GPC5: variants seen among roughly 807,000 people sequenced by gnomAD.
GPC5 encodes glypican-5.
A neutral mutation model predicts 53.9 loss-of-function variants in GPC5; 47 were observed. The ratio of observed to expected loss-of-function variants is 0.87; its 90% CI spans 0.69 to 1.11. GPC5 has a LOEUF of 1.11. Among genes scored for constraint, GPC5 ranks in the 50% most tolerant of loss-of-function variants. The pLI is 0.00. For synonymous variants in GPC5, 286 were observed against 263.3 expected (o/e 1.09, Z -0.84); for missense variants, 748 against 713.1 (o/e 1.05, Z -0.56).
chr13:91,471,152 C>A (rs924699606), intron 2 of GPC5, among the ~76,000 whole-genome samples: 17 of 152,110 alleles, frequency 1.1e-4, no homozygotes, highest in Non-Finnish European at 2.1e-4. Flanking sequence ...TGTACTGATT[C>A]TTCCTTTGGG....
intron 2 of GPC5, among the ~76,000 whole-genome samples, chr13:91,462,191 T>C (rs1881977329): frequency 6.6e-6 from 1 of 152,138 alleles, no homozygotes; most frequent in Non-Finnish European, 1.5e-5. Context: ...GTGGTCTTAT[T>C]AGTGTCCTTC....
At chr13:91,592,470 C>T (rs1020255055) in intron 2 of GPC5, among the ~76,000 whole-genome samples, 1 of 152,184 alleles carries the variant, frequency 6.6e-6, no homozygotes, top group African/African-American at 2.4e-5. Context: ...GCAGAGGCCA[C>T]AGCAGGGAGA....
Position 92,258,340 on chromosome 13 carries a change from C to A in GPC5, c.1561+113351C>A, listed in dbSNP as rs1466172517. Among the ~76,000 whole-genome samples, 7 of 152,266 alleles carry A rather than the reference C, an allele frequency of 4.6e-5. No homozygotes were observed. The East Asian group carries it at 1.4e-3, about 29-fold the overall frequency. ...GTATCCTGAAACCTGGCAAAAGATC[C>A]TATTCTTTTGTAGGCTTGTAATAAA... On this transcript the variant is annotated intron_variant, in intron 7 of 7. Transcript: ENST00000377067.
At chr13:92,207,488 A>G (rs2042345896) in intron 7 of GPC5, among the ~76,000 whole-genome samples, 2 of 152,190 alleles carry the variant, frequency 1.3e-5, no homozygotes, top group Admixed American at 1.3e-4. Context: ...GTCCTACACT[A>G]TCTGCTTTTC....
At chr13:92,011,895 G>A (rs184212077) in intron 6 of GPC5, among the ~76,000 whole-genome samples, 2 of 152,252 alleles carry the variant, frequency 1.3e-5, no homozygotes, top group East Asian at 3.9e-4. Flanking sequence ...ACAGGTCAGT[G>A]CTCACATTGA....
intron 5 of GPC5, among the ~76,000 whole-genome samples, chr13:91,868,976 G>C (rs533098311): frequency 4.7e-4 from 71 of 152,188 alleles, no homozygotes; most frequent in African/African-American, 1.7e-3. Flanking sequence ...AGAAATAAAG[G>C]ATCAATTTGA....
chr13:92,494,273 T>C (rs988891370), intron 7 of GPC5, among the ~76,000 whole-genome samples: 1 of 152,174 alleles, frequency 6.6e-6, no homozygotes, highest in African/African-American at 2.4e-5. Flanking sequence ...GTATCTTTAG[T>C]AGAGACGGGG....
At chr13:92,131,829 C>T (rs181947024) in intron 6 of GPC5, among the ~76,000 whole-genome samples, 57 of 151,680 alleles carry the variant, frequency 3.8e-4, no homozygotes, top group African/African-American at 1.1e-3. Context: ...TACTCTGTTA[C>T]GTGTAAATTA....
intron 7 of GPC5, among the ~76,000 whole-genome samples, chr13:92,247,634 A>G: frequency 6.6e-6 from 1 of 152,156 alleles, no homozygotes; most frequent in Non-Finnish European, 1.5e-5. Flanking sequence ...GGTGATCAAA[A>G]GGACTTAAGA....
intron 5 of GPC5, among the ~76,000 whole-genome samples, chr13:91,773,353 T>C (rs1248091574): frequency 6.6e-6 from 1 of 152,174 alleles, no homozygotes; most frequent in Non-Finnish European, 1.5e-5. Flanking sequence ...TAATAATGGC[T>C]ATTTTTGGAT....
chr13:92,108,024 A>G (rs2041523707), intron 6 of GPC5, among the ~76,000 whole-genome samples: 1 of 152,180 alleles, frequency 6.6e-6, no homozygotes, highest in Non-Finnish European at 1.5e-5. Context: ...TCAAAGTAAG[A>G]GAGAAGTCTC....
chr13:91,400,914 T>C lies in GPC5; in HGVS notation c.163+1705T>C, dbSNP rs569173479. On this transcript the variant is annotated intron_variant, in intron 1 of 7. Coordinates refer to ENST00000377067, the MANE Select transcript of GPC5 (RefSeq NM_004466.6). ...AGGGAAATGACTGTAATTATTTGCA[T>C]TTGATACACATGACACACAAAAAAG... Among the ~76,000 whole-genome samples, 4 of 152,326 alleles carry C rather than the reference T, an allele frequency of 2.6e-5. No homozygotes were observed. In the South Asian group the frequency reaches 8.3e-4, roughly 32 times the overall value.
Position 91,445,946 on chromosome 13 carries a change from C to T in GPC5, c.164-2815C>T, listed in dbSNP as rs9589233. ...TCCTGCTCACTATTTTGGGGTTCTC[C>T]TGATCTCAGATCCTTCAGACATTCC... is the stretch of plus-strand genomic sequence containing the variant. On this transcript the variant is annotated intron_variant, in intron 1 of 7. Transcript: ENST00000377067. 4.3e-3 allele frequency among the ~76,000 whole-genome samples: 662 copies of T among 152,308 alleles called. 4 individuals carry two copies. The highest frequency in any genetic ancestry group is 0.015 in the African/African-American group (643 of 41,560).
At chr13:92,289,895 A>G (rs1475125594) in intron 7 of GPC5, among the ~76,000 whole-genome samples, 2 of 152,154 alleles carry the variant, frequency 1.3e-5, no homozygotes, top group Non-Finnish European at 2.9e-5. Context: ...TTTTTCAAAG[A>G]GACCTAACAA....
At chr13:92,681,859 T>C in intron 7 of GPC5, among the ~76,000 whole-genome samples, 1 of 152,202 alleles carries the variant, frequency 6.6e-6, no homozygotes, top group Non-Finnish European at 1.5e-5. Flanking sequence ...TGGAATTCAG[T>C]CTTCACCTCC....
At chr13:92,270,413 CCTCT>C (rs1334626321) in intron 7 of GPC5, among the ~76,000 whole-genome samples, 4 of 152,128 alleles carry the variant, frequency 2.6e-5, no homozygotes, top group Non-Finnish European at 5.9e-5. Flanking sequence ...CACCTCCACA[CCTCT>C]CTCTTTCTCC....
At chr13:91,674,199 G>A (rs903762526) in intron 2 of GPC5, among the ~76,000 whole-genome samples, 1 of 151,924 alleles carries the variant, frequency 6.6e-6, no homozygotes, top group African/African-American at 2.4e-5. Context: ...GAGGTGTCCC[G>A]GTGTTTGGAT....
chr13:92,422,016 C>T (rs1594188639), intron 7 of GPC5, among the ~76,000 whole-genome samples: 1 of 136,468 alleles, frequency 7.3e-6, no homozygotes, highest in Admixed American at 7.0e-5. Context: ...CTCCTGGCAT[C>T]ATCACTGGAA....
chr13:91,654,798 G>A (rs1404070937), intron 2 of GPC5, among the ~76,000 whole-genome samples: 1 of 152,146 alleles, frequency 6.6e-6, no homozygotes, highest in Non-Finnish European at 1.5e-5. Flanking sequence ...TATTATTAAG[G>A]CTTAAGCCCA....
Sources: gnomAD v4.1 joint callset for allele counts (sites outside exome capture counted in the v4.1 genomes callset) on GRCh38, gnomAD v4.1.1 for gene constraint, MANE v1.5 for transcripts, NCBI Gene and HGNC (gene_info 2026-07-23, HGNC 2026-07-21) for gene names.